WWOX: variants seen among roughly 807,000 people sequenced by gnomAD.
The protein encoded by WWOX is WW domain containing oxidoreductase.
In WWOX, 69 loss-of-function variants were observed where a neutral mutation model predicts 46.2. That is an observed-to-expected ratio of 1.49 (90% CI 1.23 to 1.82). The LOEUF (loss-of-function observed/expected upper bound fraction) is 1.82. WWOX is among the 40% of genes most tolerant of loss of function. The pLI, the probability that WWOX is intolerant of heterozygous loss-of-function variation, is 0.00. For synonymous variants in WWOX, 359 were observed against 202.6 expected (o/e 1.77, Z -6.56); for missense variants, 919 against 542.6 (o/e 1.69, Z -6.89).
rs112131627 is a variant in WWOX at position 79,025,712 on chromosome 16, C to T, written c.1057-185896C>T. On this transcript the variant is annotated intron_variant, in intron 8 of 8. Coordinates refer to ENST00000566780, the MANE Select transcript of WWOX (RefSeq NM_016373.4). ...CACACAGATGCAGGAAACTAATATA[C>T]CCTTTAATGATTTTCTCCATGGCCT... Among the ~76,000 whole-genome samples the T allele has an allele frequency of 4.6e-5, 7 of 152,084 alleles. 1 individual carries two copies. The highest frequency in any genetic ancestry group is 1.7e-4 in the African/African-American group (7 of 41,488).
chr16:78,132,994 T>C (rs2033655927), intron 4 of WWOX, among the ~76,000 whole-genome samples: 1 of 152,170 alleles, frequency 6.6e-6, no homozygotes, highest in Non-Finnish European at 1.5e-5. Flanking sequence ...GGGAAAGCGG[T>C]CATGTTTCTG....
At chr16:78,408,625 G>C (rs1489999876) in intron 6 of WWOX, among the ~76,000 whole-genome samples, 1 of 152,222 alleles carries the variant, frequency 6.6e-6, no homozygotes, top group African/African-American at 2.4e-5. Flanking sequence ...TTGGTAAGAA[G>C]TTGAAGGAAC....
At chr16:79,114,788 G>A (rs914341124) in intron 8 of WWOX, among the ~76,000 whole-genome samples, 5 of 152,246 alleles carry the variant, frequency 3.3e-5, no homozygotes, top group East Asian at 1.9e-4. Context: ...CAGCTGCCCC[G>A]AGCAGGAGCA....
intron 5 of WWOX, among the ~76,000 whole-genome samples, chr16:78,308,190 C>T (rs922028516): frequency 1.3e-5 from 2 of 152,156 alleles, no homozygotes; most frequent in African/African-American, 4.8e-5. Flanking sequence ...CACCATGCCA[C>T]ACAGCCACCC....
rs945803816 is a variant in WWOX, at chr16:78,362,639, G to A, written c.517-24221G>A. The stretch of plus-strand genomic sequence containing the variant: ...CACCCTGCAAAAAAAGAAAAGAAAG[G>A]AAAAAAAATCCTGGTGCTTGTAGGA... On this transcript the variant is annotated intron_variant, in intron 5 of 8. Coordinates refer to ENST00000566780, the MANE Select transcript of WWOX (RefSeq NM_016373.4). Among the ~76,000 whole-genome samples the A allele has an allele frequency of 3.3e-5, 5 of 151,802 alleles. No homozygotes were observed. In the East Asian group the frequency reaches 9.7e-4, roughly 30 times the overall value.
chr16:78,513,898 C>CG (rs1449501316), intron 8 of WWOX, among the ~76,000 whole-genome samples: 1 of 145,170 alleles, frequency 6.9e-6, no homozygotes, highest in East Asian at 2.0e-4. Context: ...TCCCACTCCC[C>CG]CCCCCCCCAC....
intron 5 of WWOX, among the ~76,000 whole-genome samples, chr16:78,233,590 G>C (rs1055642192): frequency 1.4e-5 from 2 of 144,724 alleles, no homozygotes; most frequent in Non-Finnish European, 3.0e-5. Flanking sequence ...GCACTATCGC[G>C]ATCTCGGCTC....
chr16:79,072,544 C>T (rs1416902905), intron 8 of WWOX, among the ~76,000 whole-genome samples: 1 of 152,164 alleles, frequency 6.6e-6, no homozygotes, highest in Admixed American at 6.5e-5. Context: ...AATCTGTATT[C>T]ATTTTGACAT....
chr16:78,595,298 T>C (rs1262597590), intron 8 of WWOX, among the ~76,000 whole-genome samples: 4 of 147,374 alleles, frequency 2.7e-5, no homozygotes, highest in Admixed American at 1.4e-4. Flanking sequence ...TTTTTTTTTT[T>C]CCTCCTTTTT....
At chr16:78,732,653 T>C (rs2048995869) in intron 8 of WWOX, among the ~76,000 whole-genome samples, 1 of 152,180 alleles carries the variant, frequency 6.6e-6, no homozygotes, top group African/African-American at 2.4e-5. Context: ...TAAAACTGTA[T>C]ACTTAACTAA....
At chr16:78,344,001 G>T (rs13338641) in intron 5 of WWOX, among the ~76,000 whole-genome samples, 28,221 of 117,688 alleles carry the variant, frequency 0.24, 9,087 homozygotes, top group African/African-American at 0.37. Flanking sequence ...CCCTCATGCC[G>T]GCTCCTTCCT....
intron 8 of WWOX, among the ~76,000 whole-genome samples, chr16:78,603,160 T>C (rs1225696710): frequency 6.6e-6 from 1 of 152,208 alleles, no homozygotes; most frequent in Non-Finnish European, 1.5e-5. Flanking sequence ...CTATGCTGTT[T>C]TATGCACATC....
chr16:78,653,044 C>T (rs1325190608), intron 8 of WWOX, among the ~76,000 whole-genome samples: 1 of 152,098 alleles, frequency 6.6e-6, no homozygotes, highest in African/African-American at 2.4e-5. Flanking sequence ...ATTAATTCCA[C>T]TAGCATGAGA....
At chr16:78,299,208 G>A (rs1023990075) in intron 5 of WWOX, among the ~76,000 whole-genome samples, 2 of 152,170 alleles carry the variant, frequency 1.3e-5, no homozygotes, top group African/African-American at 4.8e-5. Flanking sequence ...GTGAAGTGGA[G>A]GCTATTACTC....
chr16:78,916,807 T>G (rs2045262611), intron 8 of WWOX, among the ~76,000 whole-genome samples: 1 of 152,202 alleles, frequency 6.6e-6, no homozygotes, highest in Non-Finnish European at 1.5e-5. Context: ...CTGTTTTCAA[T>G]TTTCTGCTGT....
At chr16:78,639,758 G>T (rs2046658944) in intron 8 of WWOX, among the ~76,000 whole-genome samples, 1 of 152,064 alleles carries the variant, frequency 6.6e-6, no homozygotes, top group South Asian at 2.1e-4. Context: ...TAGAGACAGG[G>T]TTTCACCATG....
At chr16:78,588,727 T>A (rs1212813916) in intron 8 of WWOX, among the ~76,000 whole-genome samples, 2 of 152,198 alleles carry the variant, frequency 1.3e-5, no homozygotes, top group Non-Finnish European at 2.9e-5. Flanking sequence ...ATGTCACTTA[T>A]TGACGTAGCA....
chr16:78,599,534 G>A (rs952901183), intron 8 of WWOX, among the ~76,000 whole-genome samples: 1 of 152,178 alleles, frequency 6.6e-6, no homozygotes, highest in Non-Finnish European at 1.5e-5. Context: ...GTGTAGACAT[G>A]GCCTCAGGAG....
At chr16:78,279,298 TTAAG>T (rs549132201) in intron 5 of WWOX, among the ~76,000 whole-genome samples, 26 of 152,158 alleles carry the variant, frequency 1.7e-4, no homozygotes, top group Non-Finnish European at 3.2e-4. Flanking sequence ...CCCTCTCATA[TTAAG>T]TATTTTGCAA....
Sources: allele counts gnomAD v4.1 joint callset (sites outside exome capture counted in the v4.1 genomes callset), GRCh38; gene constraint gnomAD v4.1.1; transcripts MANE v1.5; gene names NCBI Gene and HGNC (gene_info 2026-07-23, HGNC 2026-07-21).